The following JAK2 variants were observed in gnomAD, a reference collection of about 807,000 sequenced individuals.
JAK2 encodes the protein tyrosine-protein kinase JAK2.
In JAK2, 86 loss-of-function variants were observed where a neutral mutation model predicts 139.3. That is an observed-to-expected ratio of 0.62 (90% CI 0.52 to 0.74). The LOEUF is 0.74. Ranked by LOEUF, JAK2 falls within the 30% of genes least tolerant of loss-of-function variation. JAK2 has a pLI of 0.00. For synonymous variants in JAK2, 490 were observed against 437.7 expected (o/e 1.12, Z -1.49); for missense variants, 1,421 against 1,360.3 (o/e 1.04, Z -0.70).
chr9:5,058,603 A>G (rs547032843), intron 8 of JAK2, among the ~76,000 whole-genome samples: 3 of 152,274 alleles, frequency 2.0e-5, no homozygotes, highest in Non-Finnish European at 4.4e-5. Context: ...TGGTAATTCT[A>G]CTTGTAATTT....
chr9:5,007,373 C>T lies in JAK2; in HGVS notation c.-25-14590C>T, dbSNP rs1295133948. 7.9e-5 allele frequency among the ~76,000 whole-genome samples: 12 copies of T among 151,968 alleles called. No homozygotes were observed. The South Asian group carries it at 1.0e-3, about 13-fold the overall frequency. ...ATATTGATTAATTTACAAATATATG[C>T]GGGTTTCTAGTTATTTTTCTGTATA... On this transcript the variant is annotated intron_variant, in intron 2 of 24. Coordinates refer to ENST00000381652, the MANE Select transcript of JAK2 (RefSeq NM_004972.4).
chr9:5,103,457 C>G (rs902553723), intron 22 of JAK2, among the ~76,000 whole-genome samples: 3 of 151,822 alleles, frequency 2.0e-5, no homozygotes, highest in African/African-American at 4.8e-5. Flanking sequence ...CTTAGACTCC[C>G]ACACAATAAT....
chr9:5,090,623 A>C, intron 21 of JAK2, 53 bp downstream of exon 21: 1 of 1,538,900 alleles, frequency 6.5e-7, no homozygotes, highest in Admixed American at 2.1e-5. Context: ...GTTGAAGTAG[A>C]CATTAGGAAA....
At position 5,037,302 on chromosome 9, in the gene JAK2, T is replaced by C. The variant is rs1385801215; in HGVS notation, c.351-7101T>C. 4.6e-5 allele frequency among the ~76,000 whole-genome samples: 7 copies of C among 152,276 alleles called. No individual in the cohort carries two copies. The South Asian group carries it at 1.4e-3, about 32-fold the overall frequency. On this transcript the variant is annotated intron_variant, in intron 4 of 24. Coordinates refer to ENST00000381652, the MANE Select transcript of JAK2 (RefSeq NM_004972.4). ...ACCATTGTGGAAGTCAGTGTGGCGA[T>C]TCCTCAGGGATCTAGAACTAGAAAT...
At chr9:5,061,470 T>A (rs573599859) in intron 8 of JAK2, among the ~76,000 whole-genome samples, 1 of 152,262 alleles carries the variant, frequency 6.6e-6, no homozygotes, top group Non-Finnish European at 1.5e-5. Context: ...CTTGCACTTA[T>A]GCTGTGCACA....
chr9:5,029,384 A>G (rs1038330080), intron 3 of JAK2, among the ~76,000 whole-genome samples: 2 of 152,244 alleles, frequency 1.3e-5, no homozygotes, highest in East Asian at 3.8e-4. Context: ...ATCACAGATC[A>G]TCATAACTGA....
chr9:5,088,792 G>A (rs1820325109), intron 19 of JAK2, among the ~76,000 whole-genome samples: 1 of 152,170 alleles, frequency 6.6e-6, no homozygotes, highest in African/African-American at 2.4e-5. Flanking sequence ...TTGCTCTAAT[G>A]TCTCTTCCTC....
chr9:5,032,068 G>A (rs1823195071), intron 4 of JAK2, among the ~76,000 whole-genome samples: 1 of 152,224 alleles, frequency 6.6e-6, no homozygotes, highest in Admixed American at 6.5e-5. Context: ...CTCTAATACT[G>A]CGCTATTCTA....
chr9:5,083,644 A>G (rs1819871139), intron 19 of JAK2, among the ~76,000 whole-genome samples: 1 of 152,150 alleles, frequency 6.6e-6, no homozygotes, highest in African/African-American at 2.4e-5. Flanking sequence ...TAGGCACACA[A>G]TTTTGTCATA....
At chr9:5,076,367 ATTT>A (rs1404439795) in intron 14 of JAK2, among the ~76,000 whole-genome samples, 1 of 152,150 alleles carries the variant, frequency 6.6e-6, no homozygotes, top group Non-Finnish European at 1.5e-5. Context: ...TTGTTGTCTT[ATTT>A]TAAGAAACTG....
At chr9:5,004,439 A>AT (rs1374574588) in intron 2 of JAK2, among the ~76,000 whole-genome samples, 1 of 152,144 alleles carries the variant, frequency 6.6e-6, no homozygotes, top group African/African-American at 2.4e-5. Context: ...TTCCAGGTTC[A>AT]TCCATGTTGT....
intron 12 of JAK2, among the ~76,000 whole-genome samples, chr9:5,071,105 C>T (rs1818925136): frequency 6.6e-6 from 1 of 152,132 alleles, no homozygotes; most frequent in African/African-American, 2.4e-5. Flanking sequence ...GGAATTTGGG[C>T]TTCATTATAC....
chr9:5,126,240 T>A, intron 23 of JAK2, 93 bp from the exon 24 acceptor site: 1 of 774,982 alleles, frequency 1.3e-6, no homozygotes, highest in Non-Finnish European at 2.1e-6. Context: ...AGCACACATA[T>A]ACTAAATTTT....
At chr9:5,095,220 C>G (rs913694100) in intron 22 of JAK2, among the ~76,000 whole-genome samples, 1 of 152,104 alleles carries the variant, frequency 6.6e-6, no homozygotes. Context: ...ATACCCTTCC[C>G]ATACTAATTA....
intron 22 of JAK2, chr9:5,111,469 C>A (rs925638061): frequency 1.3e-5 from 5 of 386,736 alleles, no homozygotes; most frequent in African/African-American, 1.1e-4. Flanking sequence ...CGTACCTGCC[C>A]AGCTCAGGTG....
intron 22 of JAK2, chr9:5,112,793 C>G (rs1460839771): frequency 1.8e-6 from 1 of 558,904 alleles, no homozygotes; most frequent in Non-Finnish European, 2.8e-6. Flanking sequence ...CCAGATGGTG[C>G]TTTCAGCTGC....
intron 2 of JAK2, among the ~76,000 whole-genome samples, chr9:5,005,669 C>T (rs989170944): frequency 6.6e-6 from 1 of 152,136 alleles, no homozygotes; most frequent in Non-Finnish European, 1.5e-5. Context: ...TTTATACTCT[C>T]ATTTTAAGAA....
chr9:5,108,431 T>C (rs1229752885), intron 22 of JAK2: 1 of 152,116 alleles, frequency 6.6e-6, no homozygotes, highest in African/African-American at 2.4e-5. Context: ...CTTTAAATAC[T>C]TCAGATTCTC....
At chr9:5,004,397 G>T (rs1369658952) in intron 2 of JAK2, among the ~76,000 whole-genome samples, 2 of 152,022 alleles carry the variant, frequency 1.3e-5, no homozygotes, top group Non-Finnish European at 2.9e-5. Flanking sequence ...TTGTCTTTCT[G>T]TGCCTAGCTT....
Sources: allele counts gnomAD v4.1 joint callset (sites outside exome capture counted in the v4.1 genomes callset), GRCh38; gene constraint gnomAD v4.1.1; transcripts MANE v1.5; gene names NCBI Gene and HGNC (gene_info 2026-07-23, HGNC 2026-07-21).